The following GAD2 variants were observed in gnomAD, a reference collection of about 807,000 sequenced individuals.
The protein encoded by GAD2 is 65 kDa glutamic acid decarboxylase.
In GAD2, 22 loss-of-function variants were observed where a neutral mutation model predicts 80.1. The observed-to-expected ratio is 0.27, with a 90% CI of 0.20 to 0.39. The LOEUF is 0.39. Among genes scored for constraint, GAD2 ranks in the 10% least tolerant of loss-of-function variants. The probability of loss-of-function intolerance (pLI) is 1.00; values close to 1 mark genes in which losing one functional copy is unlikely to be tolerated. For missense variants in GAD2, 624 were observed against 738.4 expected (o/e 0.85, Z 1.80); for synonymous variants, 274 against 256.9 (o/e 1.07, Z -0.64).
At chr10:26,241,663 G>A (rs773964937) in intron 7 of GAD2, among the ~76,000 whole-genome samples, 2 of 151,762 alleles carry the variant, frequency 1.3e-5, no homozygotes, top group South Asian at 2.1e-4. Context: ...CTGTCTGTAC[G>A]TGTATGCACA....
Position 26,270,757 on chromosome 10 carries a change from G to A in GAD2, c.1092+1G>A. 2 of 1,583,214 alleles carry A rather than the reference G, an allele frequency of 1.3e-6. No homozygotes were observed. Among genetic ancestry groups the A allele is most frequent in the Non-Finnish European group, 1.7e-6 (2 of 1,151,602 alleles). On this transcript the variant is annotated splice_donor_variant, in intron 10 of 15. Transcript: ENST00000376261. LOFTEE classifies it high-confidence loss of function. ...GTATAAGATCTGGATGCATGTGGAT[G>A]TAAGTATCCCTTAGGGACTGGCCAC...
rs553646520 is a variant in GAD2 at position 26,223,976 on chromosome 10, A to G, written c.610A>G (p.Met204Val). ...DWLTSTANTN[M>V]FTYEIAPVFV... The stretch of plus-strand genomic sequence containing the variant: ...GCTGACATCAACAGCAAATACTAAC[A>G]TGTAAGTAGCCAAATGTGTTTTTAT... Residue 204 changes from methionine (M) to valine (V), a missense_variant and splice_region_variant, in exon 5 of 16, where the codon ATG (methionine) becomes GTG (valine). Transcript: ENST00000376261. 2.5e-6 allele frequency: 4 copies of G among 1,599,608 alleles called. No homozygotes were observed. Among genetic ancestry groups the G allele is most frequent in the Admixed American group, 1.7e-5 (1 of 59,764 alleles).
Position 26,217,842 on chromosome 10 carries a change from C to A in GAD2, c.137C>A (p.Ala46Asp). Residue 46 changes from alanine (A) to aspartate (D), a missense_variant and splice_region_variant, in exon 3 of 16, where the codon GCC (alanine) becomes GAC (aspartate). By Grantham distance (126) the Ala-to-Asp change is moderately radical. Transcript: ENST00000376261. The surrounding 1 kb of genome is among the most constrained non-coding windows in gnomAD (Gnocchi z 4.9). ...GCCCGCGTTCGGTGTCCTTACCCAG[C>A]CCTGCTCTACGGAGACGCCGAGAAG... ...FTGGIGNKLCALLYGDAEKPA... is the reference protein window; with the variant it reads ...FTGGIGNKLCDLLYGDAEKPA... The A allele has an allele frequency of 6.2e-7, 1 of 1,603,078 alleles. No homozygotes were observed. The highest frequency in any genetic ancestry group is 2.2e-5 in the East Asian group (1 of 44,650).
chr10:26,216,710 C>A (rs1037020153), upstream of GAD2: 41 of 953,826 alleles, frequency 4.3e-5, no homozygotes, highest in Middle Eastern at 6.1e-4. The surrounding 1 kb of genome is among the most constrained non-coding windows in gnomAD (Gnocchi z 4.7). Context: ...GCGGTGCCCT[C>A]CTCCCGCCAC....
intron 3 of GAD2, among the ~76,000 whole-genome samples, chr10:26,218,545 T>TCACACACACACACACA (rs1243883778): frequency 1.3e-5 from 1 of 76,516 alleles, no homozygotes; most frequent in African/African-American, 3.6e-5. Context: ...GCTCTCTCTC[T>TCACACACACACACACA]CTCTCTCACA....
At chr10:26,238,291 C>T (rs1381295309) in intron 7 of GAD2, among the ~76,000 whole-genome samples, 1 of 152,158 alleles carries the variant, frequency 6.6e-6, no homozygotes, top group Non-Finnish European at 1.5e-5. Flanking sequence ...CATGGCTCAG[C>T]ATGAGAAAGT....
rs780366876 is a variant in GAD2, at chr10:26,286,346, G to C, written c.1238G>C (p.Gly413Ala). 3 of 1,612,446 alleles carry C rather than the reference G, an allele frequency of 1.9e-6. No individual in the cohort carries two copies. Among genetic ancestry groups the C allele is most frequent in the Non-Finnish European group, 2.5e-6 (3 of 1,179,564 alleles). Reference protein sequence around the residue: ...QCSALLVREEGLMQNCNQMHA... With the variant: ...QCSALLVREEALMQNCNQMHA... ...TAAATTTTCTCTTCTCTCTTGTAGG[G>C]ATTGATGCAGAATTGCAACCAAATG... Residue 413 changes from glycine (G) to alanine (A), a missense_variant and splice_region_variant, in exon 13 of 16, where the codon GGA becomes GCA. Transcript: ENST00000376261.
At chr10:26,298,752 A>G (rs773775547) in intron 15 of GAD2, among the ~76,000 whole-genome samples, 3 of 152,202 alleles carry the variant, frequency 2.0e-5, no homozygotes, top group Non-Finnish European at 2.9e-5. Flanking sequence ...TCCTGCAGCC[A>G]AGTGGATTTG....
In GAD2 at chr10:26,224,570, C is replaced by CT. The variant is rs1564656152; in HGVS notation, c.647dup (p.Leu216PhefsTer32). Reference sequence around the variant, plus strand: ...CTATGAAATTGCTCCAGTATTTGTGCTTTTGGAATATGTCACACTAAAGAA... The same window carrying CT: ...CTATGAAATTGCTCCAGTATTTGTGCTTTTTGGAATATGTCACACTAAAGAA... On this transcript the variant is annotated frameshift_variant, in exon 6 of 16. Coordinates refer to ENST00000376261, the MANE Select transcript of GAD2 (RefSeq NM_001134366.2). LOFTEE classifies it high-confidence loss of function. 1 of 1,613,868 alleles carries CT rather than the reference C, an allele frequency of 6.2e-7. No homozygotes were observed.
chr10:26,292,914 A>G lies in GAD2; in HGVS notation c.1507A>G (p.Asn503Asp), dbSNP rs1834232311. The G allele has an allele frequency of 6.2e-7, 1 of 1,613,564 alleles. No individual in the cohort carries two copies. Among genetic ancestry groups the G allele is most frequent in the African/African-American group, 1.3e-5 (1 of 74,906 alleles). Residue 503 changes from asparagine (N) to aspartate (D), a missense_variant, in exon 15 of 16, where the codon AAT becomes GAT. Asn to Asp is a conservative substitution (Grantham distance 23, BLOSUM62 1). Coordinates refer to ENST00000376261, the MANE Select transcript of GAD2 (RefSeq NM_001134366.2). Reference protein sequence around the residue: ...MVFDGKPQHTNVCFWYIPPSL... With the variant: ...MVFDGKPQHTDVCFWYIPPSL... ...TTCCTCTTTGTAGCCTCAGCACACA[A>G]ATGTCTGCTTCTGGTACATTCCTCC...
intron 12 of GAD2, among the ~76,000 whole-genome samples, chr10:26,283,230 G>A (rs1004045220): frequency 2.6e-5 from 4 of 152,216 alleles, no homozygotes; most frequent in Admixed American, 2.0e-4. Context: ...GACTGTTTGA[G>A]TAAAACATAG....
chr10:26,292,521 A>T lies in GAD2; in HGVS notation c.1443A>T (p.Leu481Phe). ...VDKCLELAEY[L>F]YNIIKNREGY... ...AATGTTTGGAGTTGGCAGAGTATTT[A>T]TACAACATCATAAAAAACCGAGAAG... The change falls in exon 14 of 16, where the codon TTA (leucine) becomes TTT (phenylalanine). Residue 481 changes from leucine to phenylalanine, a missense_variant. Leu to Phe is a conservative substitution (Grantham distance 22). Coordinates refer to ENST00000376261, the MANE Select transcript of GAD2 (RefSeq NM_001134366.2). 1 of 1,614,134 alleles carries T rather than the reference A, an allele frequency of 6.2e-7. No individual in the cohort carries two copies. The highest frequency in any genetic ancestry group is 1.1e-5 in the South Asian group (1 of 91,078).
chr10:26,292,411 C>T (rs1834226042), intron 13 of GAD2, 54 bp from the exon 14 acceptor site: 6 of 1,316,360 alleles, frequency 4.6e-6, no homozygotes, highest in Non-Finnish European at 6.6e-6. Context: ...CCAGGGAAAT[C>T]GCTTCCTCCG....
chr10:26,229,050 C>T (rs949662196), intron 6 of GAD2, among the ~76,000 whole-genome samples: 9 of 151,844 alleles, frequency 5.9e-5, no homozygotes, highest in East Asian at 1.9e-4. Flanking sequence ...AAAAATTAGC[C>T]GGGTGTGGTG....
intron 13 of GAD2, 25 bp from the exon 14 acceptor site, chr10:26,292,440 T>G: frequency 2.1e-4 from 323 of 1,560,752 alleles, no homozygotes; most frequent in Non-Finnish European, 2.6e-4. Flanking sequence ...GCCTGCTTAA[T>G]GAGCTGTGTC....
intron 7 of GAD2, among the ~76,000 whole-genome samples, chr10:26,242,815 T>C (rs1384227896): frequency 6.6e-6 from 1 of 152,220 alleles, no homozygotes; most frequent in East Asian, 1.9e-4. Context: ...TAGACAAGAA[T>C]ACGTCCTCCC....
rs564472288 is a variant in GAD2 at position 26,253,850 on chromosome 10, G to A, written c.920+7850G>A. Among the ~76,000 whole-genome samples the A allele has an allele frequency of 2.6e-5, 4 of 152,152 alleles. No homozygotes were observed. In the South Asian group the frequency reaches 6.2e-4, roughly 24 times the overall value. On this transcript the variant is annotated intron_variant, in intron 8 of 15. Transcript: ENST00000376261. ...AGAGGCAAAAATGTCCCAGGCAGAC[G>A]CCACAGCACATTCTAAACCAGGTCC...
intron 4 of GAD2, among the ~76,000 whole-genome samples, chr10:26,219,560 T>C (rs941843340): frequency 6.6e-6 from 1 of 152,140 alleles, no homozygotes; most frequent in South Asian, 2.1e-4. Context: ...ACCACTGGTA[T>C]AGAAGCAAAT....
At chr10:26,236,091 A>G (rs77334102) in intron 7 of GAD2, among the ~76,000 whole-genome samples, 4,664 of 152,080 alleles carry the variant, frequency 0.031, 210 homozygotes, top group African/African-American at 0.11. Flanking sequence ...TGGGGAGGTA[A>G]TTCTCAAAAT....
Sources: gnomAD v4.1 joint callset for allele counts (sites outside exome capture counted in the v4.1 genomes callset) on GRCh38, gnomAD v4.1.1 for gene constraint, Gnocchi (gnomAD v3.1) non-coding constraint, MANE v1.5 for transcripts, NCBI Gene and HGNC (gene_info 2026-07-23, HGNC 2026-07-21) for gene names.